LMAN1: variants seen among roughly 807,000 people sequenced by gnomAD.
LMAN1 encodes the protein lectin, mannose binding 1, also known as protein ERGIC-53.
LMAN1 carries 32 observed loss-of-function variants against 67.8 expected under a neutral mutation model. That is an observed-to-expected ratio of 0.47 (90% CI 0.36 to 0.63). The LOEUF (loss-of-function observed/expected upper bound fraction) is 0.63. Among genes scored for constraint, LMAN1 ranks in the 30% least tolerant of loss-of-function variants. LMAN1 has a pLI of 0.00. For missense variants in LMAN1, 632 were observed against 628.2 expected (o/e 1.01, Z -0.06); for synonymous variants, 235 against 219.3 (o/e 1.07, Z -0.63).
intron 5 of LMAN1, chr18:59,352,755 C>G (rs1284387891): frequency 5.1e-6 from 1 of 196,396 alleles, no homozygotes; most frequent in African/African-American, 2.3e-5. Flanking sequence ...ATTCTAACCA[C>G]AGGACCGCTT....
intron 5 of LMAN1, 89 bp from the exon 6 acceptor site, chr18:59,349,325 T>C: frequency 8.7e-7 from 1 of 1,149,814 alleles, no homozygotes; most frequent in Non-Finnish European, 1.3e-6. Flanking sequence ...TATTCAGTTT[T>C]GTTTCATTAT....
chr18:59,338,441 A>G (rs1376885062), intron 10 of LMAN1, 116 bp downstream of exon 10: 1 of 784,060 alleles, frequency 1.3e-6, no homozygotes, highest in Non-Finnish European at 2.2e-6. Context: ...ATGAATCTAG[A>G]ACGGGATTCT....
chr18:59,349,840 A>C (rs570506287), intron 5 of LMAN1, among the ~76,000 whole-genome samples: 1 of 152,350 alleles, frequency 6.6e-6, no homozygotes, highest in Admixed American at 6.5e-5. Flanking sequence ...GAATCTTAGA[A>C]TCCTAGGCAA....
chr18:59,331,206 TA>T, intron 12 of LMAN1, 77 bp from the exon 13 acceptor site: 1 of 1,279,930 alleles, frequency 7.8e-7, no homozygotes, highest in Non-Finnish European at 1.1e-6. Flanking sequence ...TATTTAAAAT[TA>T]AAATATCAAT....
chr18:59,354,541 G>A lies in LMAN1; in HGVS notation c.517C>T (p.Gln173Ter). The change falls in exon 4 of 13, where the codon CAA becomes TAA. Residue 173 changes from glutamine to a stop codon, truncating the protein, a stop_gained. Transcript: ENST00000251047. LOFTEE classifies it high-confidence loss of function. ...PAIVIIGNNG[Q>*]IHYDHQNDGA... is the part of the protein sequence containing the mutation. ...TACTTTTGATGGTCATAATGGATTT[G>A]TCCATTGTTGCCTATAATTACTATA... The A allele has an allele frequency of 1.3e-6, 2 of 1,512,366 alleles. No homozygotes were observed. Among genetic ancestry groups the A allele is most frequent in the Non-Finnish European group, 1.8e-6 (2 of 1,088,312 alleles). 93.7% of individuals were successfully genotyped at this position (1,512,366 alleles called of 1,614,324 possible). A position where few individuals can be genotyped will look rare whatever the true frequency, so the allele number is the denominator to read the frequency against.
intron 6 of LMAN1, 107 bp from the exon 7 acceptor site, chr18:59,347,678 G>T: frequency 1.2e-6 from 1 of 856,252 alleles, no homozygotes; most frequent in Non-Finnish European, 1.8e-6. Context: ...AATAACCAGT[G>T]AGGGAATTGA....
Position 59,331,078 on chromosome 18 carries a change from A to G in LMAN1, c.*15T>C. On this transcript the variant is annotated 3_prime_UTR_variant, in exon 13 of 13. Transcript: ENST00000251047. The stretch of plus-strand genomic sequence containing the variant: ...TTTTGTACACAAATAGATGAAGTAC[A>G]CAGGAAAATGGTAGTCAAAAGAATT... The G allele has an allele frequency of 6.3e-7, 1 of 1,592,836 alleles. No homozygotes were observed. Among genetic ancestry groups the G allele is most frequent in the Non-Finnish European group, 8.6e-7 (1 of 1,161,320 alleles).
rs917779852 is a variant in LMAN1 at position 59,329,253 on chromosome 18, G to T, written c.*1840C>A. 1.3e-5 allele frequency: 2 copies of T among 152,126 alleles called. No homozygotes were observed. Among genetic ancestry groups the T allele is most frequent in the African/African-American group, 2.4e-5 (1 of 41,434 alleles). 9.4% of individuals were successfully genotyped at this position (152,126 alleles called of 1,614,324 possible). A position where few individuals can be genotyped will look rare whatever the true frequency, so the allele number is the denominator to read the frequency against. On this transcript the variant is annotated 3_prime_UTR_variant, in exon 13 of 13. Transcript: ENST00000251047. ...TAATAGCCATCTCCATTTGTAGTAA[G>T]AATAATCAGAATGATTCCCCTTGAA...
chr18:59,334,812 A>G (rs1908105261), intron 10 of LMAN1, among the ~76,000 whole-genome samples: 1 of 152,182 alleles, frequency 6.6e-6, no homozygotes, highest in South Asian at 2.1e-4. Context: ...TACCCTTTCC[A>G]TTAAAGGCAA....
intron 12 of LMAN1, 101 bp downstream of exon 12, chr18:59,331,317 A>G (rs1446347038): frequency 5.6e-6 from 7 of 1,250,866 alleles, no homozygotes; most frequent in Non-Finnish European, 8.1e-6. Flanking sequence ...TTAATTTTAT[A>G]GGTGGTGAAA....
chr18:59,347,408 C>A, intron 7 of LMAN1, 105 bp downstream of exon 7: 2 of 596,154 alleles, frequency 3.4e-6, no homozygotes, highest in South Asian at 3.3e-5. Context: ...GACCATATAG[C>A]AGTAACTGGC....
chr18:59,345,863 T>C lies in LMAN1; in HGVS notation c.955+56A>G, dbSNP rs371575269. On this transcript the variant is annotated intron_variant, in intron 8 of 12. Coordinates refer to ENST00000251047, the MANE Select transcript of LMAN1 (RefSeq NM_005570.4). ...GGCAACACAGAGACTCAAGCGTCCA[T>C]GATCAACAGCCTCAAGCCCTGCTGC... 1.4e-5 allele frequency: 22 copies of C among 1,607,844 alleles called. 1 individual carries two copies. Among genetic ancestry groups the C allele is most frequent in the Middle Eastern group, 1.7e-4 (1 of 6,008 alleles).
At chr18:59,343,215 C>T (rs947557497) in intron 8 of LMAN1, among the ~76,000 whole-genome samples, 1 of 151,768 alleles carries the variant, frequency 6.6e-6, no homozygotes, top group African/African-American at 2.4e-5. Context: ...GTTAAAATGA[C>T]CATACTGCCC....
chr18:59,358,852 ACCGTGCGAACCAGGAGGGAC>A (rs1224115354), intron 1 of LMAN1, among the ~76,000 whole-genome samples, 159 bp downstream of exon 1: 4 of 152,226 alleles, frequency 2.6e-5, no homozygotes, highest in Admixed American at 2.6e-4. Context: ...AGCGGAGGGA[ACCGTGCGAACCAGGAGGGAC>A]CCGGCGGAGG....
chr18:59,358,242 A>G (rs1908706815), intron 1 of LMAN1, among the ~76,000 whole-genome samples: 2 of 152,254 alleles, frequency 1.3e-5, no homozygotes, highest in African/African-American at 2.4e-5. Flanking sequence ...TGAATAAAAT[A>G]TGAACCCAAG....
chr18:59,345,130 T>C (rs1447324106), intron 8 of LMAN1, among the ~76,000 whole-genome samples: 1 of 152,214 alleles, frequency 6.6e-6, no homozygotes, highest in Non-Finnish European at 1.5e-5. Flanking sequence ...ATGACCTTTA[T>C]GTTTCATTTT....
At chr18:59,332,942 A>G (rs1423350381) in intron 11 of LMAN1, 149 bp downstream of exon 11, 3 of 649,964 alleles carry the variant, frequency 4.6e-6, no homozygotes, top group Non-Finnish European at 7.9e-6. Flanking sequence ...ACCAGGACAC[A>G]TGGAGATCTG....
intron 1 of LMAN1, among the ~76,000 whole-genome samples, chr18:59,356,204 GTACT>G (rs1193973559): frequency 6.6e-6 from 1 of 152,144 alleles, no homozygotes; most frequent in Non-Finnish European, 1.5e-5. Context: ...GCAAAATACT[GTACT>G]TATATACATT....
At position 59,354,339 on chromosome 18, in the gene LMAN1, G is replaced by A. The variant is rs375693613; in HGVS notation, c.539+180C>T. ...ATGGTTGAATCTGAGATGGTCCACA[G>A]ATAGAACTTCAGAACAGAACCAAAT... On this transcript the variant is annotated intron_variant, in intron 4 of 12. Transcript: ENST00000251047. 7.0e-4 allele frequency among the ~76,000 whole-genome samples: 106 copies of A among 152,270 alleles called. 1 individual carries two copies. In the South Asian group the frequency reaches 0.011, roughly 15 times the overall value.
Sources: gnomAD v4.1 joint callset for allele counts (sites outside exome capture counted in the v4.1 genomes callset) on GRCh38, gnomAD v4.1.1 for gene constraint, MANE v1.5 for transcripts, NCBI Gene and HGNC (gene_info 2026-07-23, HGNC 2026-07-21) for gene names.